Variants in PIBF1 observed in about 807,000 individuals in gnomAD.
PIBF1 encodes the protein progesterone immunomodulatory binding factor 1, also known as progesterone-induced-blocking factor 1.
PIBF1 carries 90 observed loss-of-function variants against 112.5 expected under a neutral mutation model. The ratio of observed to expected loss-of-function variants is 0.80; its 90% CI spans 0.67 to 0.95. PIBF1 has a LOEUF of 0.95. PIBF1 is among the 40% of genes least tolerant of loss of function. The pLI is 0.00. For synonymous variants in PIBF1, 301 were observed against 288.6 expected (o/e 1.04, Z -0.44); for missense variants, 915 against 852.3 (o/e 1.07, Z -0.92).
chr13:72,851,514 G>C (rs2038154147), intron 9 of PIBF1, among the ~76,000 whole-genome samples: 1 of 152,226 alleles, frequency 6.6e-6, no homozygotes, highest in Non-Finnish European at 1.5e-5. Context: ...GGGGATGAGG[G>C]TGTCTTGGTG....
At chr13:72,977,183 GTT>G (rs1262005683) in intron 16 of PIBF1, among the ~76,000 whole-genome samples, 1 of 11,096 alleles carries the variant, frequency 9.0e-5, no homozygotes, top group East Asian at 3.0e-3. Context: ...ATGTTGTGTT[GTT>G]TTGTTTTGTT....
At chr13:72,784,987 C>T (rs974987532) in intron 2 of PIBF1, among the ~76,000 whole-genome samples, 4 of 152,012 alleles carry the variant, frequency 2.6e-5, no homozygotes, top group Non-Finnish European at 4.4e-5. Flanking sequence ...ATTCTCCTGC[C>T]TCAGTCTCCC....
intron 14 of PIBF1, among the ~76,000 whole-genome samples, chr13:72,937,103 C>G (rs560138719): frequency 4.4e-4 from 67 of 152,082 alleles, no homozygotes; most frequent in Non-Finnish European, 9.0e-4. Context: ...TTTAACCCGT[C>G]TGACAAAATA....
intron 8 of PIBF1, among the ~76,000 whole-genome samples, chr13:72,829,174 A>G (rs1173310076): frequency 6.6e-6 from 1 of 152,160 alleles, no homozygotes; most frequent in East Asian, 1.9e-4. Flanking sequence ...GATTCTGGAT[A>G]TTAGCCCTTT....
chr13:72,927,956 T>TAC (rs2041548720), intron 13 of PIBF1, among the ~76,000 whole-genome samples: 1 of 59,620 alleles, frequency 1.7e-5, no homozygotes, highest in African/African-American at 8.2e-5. Context: ...TATATATATA[T>TAC]ATACACATAT....
At chr13:72,962,002 GA>G (rs2042619825) in intron 14 of PIBF1, among the ~76,000 whole-genome samples, 1 of 151,284 alleles carries the variant, frequency 6.6e-6, no homozygotes, top group African/African-American at 2.4e-5. Context: ...ACTAACTTAA[GA>G]AAAAAAACTA....
chr13:72,883,768 G>T (rs372143701), intron 10 of PIBF1, among the ~76,000 whole-genome samples: 1 of 152,154 alleles, frequency 6.6e-6, no homozygotes, highest in African/African-American at 2.4e-5. Context: ...AATTACAAGC[G>T]TGAGTCACCA....
intron 16 of PIBF1, among the ~76,000 whole-genome samples, chr13:72,986,450 G>A (rs2043289781): frequency 6.6e-6 from 1 of 152,098 alleles, no homozygotes; most frequent in African/African-American, 2.4e-5. Context: ...TTTTAATTCA[G>A]GAACCTACTT....
chr13:72,972,600 G>C (rs1029513338), intron 15 of PIBF1, among the ~76,000 whole-genome samples: 1 of 151,444 alleles, frequency 6.6e-6, no homozygotes, highest in African/African-American at 2.4e-5. Flanking sequence ...GGAGGCAGAG[G>C]TTGCAGTGAG....
At chr13:72,887,144 T>A (rs2039890544) in intron 10 of PIBF1, among the ~76,000 whole-genome samples, 1 of 151,680 alleles carries the variant, frequency 6.6e-6, no homozygotes, top group Non-Finnish European at 1.5e-5. Context: ...CAAAAATAAT[T>A]TTGATTCAGT....
intron 12 of PIBF1, among the ~76,000 whole-genome samples, 161 bp from the exon 13 acceptor site, chr13:72,916,915 T>C (rs188110006): frequency 1.2e-4 from 19 of 152,268 alleles, no homozygotes; most frequent in Admixed American, 1.2e-3. Flanking sequence ...CTTTAAGAAA[T>C]ATGTTTCTAC....
At chr13:72,969,055 T>C (rs1402724983) in intron 15 of PIBF1, among the ~76,000 whole-genome samples, 1 of 151,628 alleles carries the variant, frequency 6.6e-6, no homozygotes, top group African/African-American at 2.4e-5. Flanking sequence ...ATAAAAATAA[T>C]GAGAGTGGTC....
chr13:72,790,742 G>A (rs544194694), intron 2 of PIBF1, among the ~76,000 whole-genome samples: 1 of 152,042 alleles, frequency 6.6e-6, no homozygotes, highest in African/African-American at 2.4e-5. Flanking sequence ...AGAGAATGAA[G>A]TGGTTAGCTG....
chr13:72,975,280 T>G, intron 16 of PIBF1, among the ~76,000 whole-genome samples: 1 of 152,012 alleles, frequency 6.6e-6, no homozygotes, highest in East Asian at 1.9e-4. Flanking sequence ...GATCTTAAAC[T>G]CCTGACCTCA....
intron 14 of PIBF1, among the ~76,000 whole-genome samples, chr13:72,952,293 A>T (rs2042320879): frequency 6.6e-6 from 1 of 152,024 alleles, no homozygotes; most frequent in African/African-American, 2.4e-5. Flanking sequence ...ACCTCAGGTG[A>T]TCCACCTGCC....
At chr13:72,905,862 A>T (rs2040685650) in intron 11 of PIBF1, among the ~76,000 whole-genome samples, 1 of 152,156 alleles carries the variant, frequency 6.6e-6, no homozygotes, top group Non-Finnish European at 1.5e-5. Context: ...TGTGGTTCTA[A>T]AGATTCTGGT....
At chr13:72,821,362 A>G (rs534529024) in intron 5 of PIBF1, among the ~76,000 whole-genome samples, 1 of 152,264 alleles carries the variant, frequency 6.6e-6, no homozygotes, top group African/African-American at 2.4e-5. Flanking sequence ...GGGTCACACG[A>G]TTCCTTTTTT....
chr13:72,841,323 C>G (rs969154339), intron 9 of PIBF1, among the ~76,000 whole-genome samples: 3 of 152,074 alleles, frequency 2.0e-5, no homozygotes, highest in African/African-American at 4.8e-5. Context: ...GTTATGGACC[C>G]TCTTATGCAT....
intron 17 of PIBF1, among the ~76,000 whole-genome samples, chr13:73,005,440 C>CG (rs2044002570): frequency 6.6e-6 from 1 of 150,892 alleles, no homozygotes; most frequent in Non-Finnish European, 1.5e-5. Context: ...CGCCACTGCC[C>CG]TCAACCCTGG....
Sources: gnomAD v4.1 joint callset for allele counts (sites outside exome capture counted in the v4.1 genomes callset) on GRCh38, gnomAD v4.1.1 for gene constraint, MANE v1.5 for transcripts, NCBI Gene and HGNC (gene_info 2026-07-23, HGNC 2026-07-21) for gene names.